RBFOX3: variants seen among roughly 807,000 people sequenced by gnomAD.
The protein encoded by RBFOX3 is RNA binding protein fox-1 homolog 3.
A neutral mutation model predicts 48.7 loss-of-function variants in RBFOX3; 17 were observed. The ratio of observed to expected loss-of-function variants is 0.35; its 90% CI spans 0.24 to 0.52. RBFOX3 has a LOEUF of 0.52. RBFOX3 is among the 20% of genes least tolerant of loss of function. The pLI, the probability that RBFOX3 is intolerant of heterozygous loss-of-function variation, is 0.94. For missense variants in RBFOX3, 382 were observed against 497.5 expected, an observed-to-expected ratio of 0.77 and a Z score of 2.21; for synonymous variants, 212 against 209.5, an observed-to-expected ratio of 1.01 and a Z score of -0.10.
intron 4 of RBFOX3, among the ~76,000 whole-genome samples, chr17:79,169,906 G>A (rs2048797034): frequency 6.6e-6 from 1 of 151,362 alleles, no homozygotes; most frequent in Non-Finnish European, 1.5e-5. Flanking sequence ...TAAAAGGAAA[G>A]GAAATGAAGA....
At chr17:79,387,042 G>T (rs1204339835) in intron 2 of RBFOX3, among the ~76,000 whole-genome samples, 5 of 152,190 alleles carry the variant, frequency 3.3e-5, no homozygotes, top group Non-Finnish European at 5.9e-5. Flanking sequence ...CCCATTCACA[G>T]GCCAGTACCT....
rs1374771450 is a variant in RBFOX3 at position 79,421,425 on chromosome 17, C to G, written c.-175+61029G>C. ...AGGCTGGGCCTGGCTGCCTGCCAAG[C>G]CTAGGGGCCTCTCCAGAGCCCACGG... On this transcript the variant is annotated intron_variant, in intron 2 of 14. Transcript: ENST00000693108. The surrounding 1 kb of genome is among the most constrained non-coding windows in gnomAD (Gnocchi z 4.5). 6.6e-6 allele frequency among the ~76,000 whole-genome samples: 1 copy of G among 152,172 alleles called. No individual in the cohort carries two copies. Among genetic ancestry groups the G allele is most frequent in the African/African-American group, 2.4e-5 (1 of 41,454 alleles).
intron 1 of RBFOX3, among the ~76,000 whole-genome samples, chr17:79,550,773 G>A (rs1272682255): frequency 3.3e-5 from 5 of 152,236 alleles, no homozygotes; most frequent in East Asian, 1.9e-4. Flanking sequence ...GGATGAATGC[G>A]TGGGTGGGTG....
chr17:79,437,316 C>T (rs553634580), intron 2 of RBFOX3, among the ~76,000 whole-genome samples: 7 of 152,286 alleles, frequency 4.6e-5, no homozygotes, highest in South Asian at 4.1e-4. Context: ...AAGCTCCAGC[C>T]GGGGAGGCCG....
chr17:79,439,754 G>A (rs782116769), intron 2 of RBFOX3, among the ~76,000 whole-genome samples: 12 of 152,322 alleles, frequency 7.9e-5, no homozygotes, highest in Non-Finnish European at 1.2e-4. Flanking sequence ...ACATGTGTGC[G>A]TAAGTGCAAG....
chr17:79,450,831 T>C (rs1344066514), intron 2 of RBFOX3, among the ~76,000 whole-genome samples: 5 of 152,250 alleles, frequency 3.3e-5, no homozygotes, highest in African/African-American at 9.6e-5. Context: ...TTTGCATGCA[T>C]AACAATGATA....
chr17:79,285,265 T>C (rs2071598911), intron 3 of RBFOX3, among the ~76,000 whole-genome samples: 1 of 152,220 alleles, frequency 6.6e-6, no homozygotes, highest in Admixed American at 6.5e-5. Context: ...GCCAGGTGGA[T>C]AGACAAGCTG....
the RBFOX3 span, among the ~76,000 whole-genome samples, chr17:79,659,922 C>A: frequency 1.3e-5 from 2 of 152,152 alleles, no homozygotes; most frequent in Admixed American, 6.5e-5. Context: ...TACAGTGGCT[C>A]AAGCCTATAA....
At chr17:79,155,614 C>A (rs189850870) in intron 4 of RBFOX3, among the ~76,000 whole-genome samples, 1 of 151,960 alleles carries the variant, frequency 6.6e-6, no homozygotes, top group South Asian at 2.1e-4. Context: ...AGGGTGAAGA[C>A]GAAGTGGGTG....
chr17:79,465,758 G>A (rs1226803885), intron 2 of RBFOX3, among the ~76,000 whole-genome samples: 1 of 152,328 alleles, frequency 6.6e-6, no homozygotes, highest in East Asian at 1.9e-4. Context: ...TCACTCGGCA[G>A]GTAGCCATGC....
the RBFOX3 span, among the ~76,000 whole-genome samples, chr17:79,665,413 T>TGGAGAGGAGCGGAGC: frequency 6.6e-6 from 1 of 151,864 alleles, no homozygotes. Flanking sequence ...AGGAGGGGCC[T>TGGAGAGGAGCGGAGC]GGAGAGGAGC....
chr17:79,156,961 T>A (rs544314321), intron 4 of RBFOX3, among the ~76,000 whole-genome samples: 109 of 152,236 alleles, frequency 7.2e-4, no homozygotes, highest in South Asian at 1.5e-3. Context: ...ATGAATTTCA[T>A]CCCTGGCAAG....
chr17:79,614,261 G>C (rs892909535), upstream of RBFOX3, among the ~76,000 whole-genome samples: 1 of 152,204 alleles, frequency 6.6e-6, no homozygotes, highest in Non-Finnish European at 1.5e-5. Flanking sequence ...CCTGGGGGCC[G>C]CCAGACACTG....
intron 1 of RBFOX3, among the ~76,000 whole-genome samples, chr17:79,508,552 C>A (rs948993263): frequency 3.3e-5 from 5 of 152,192 alleles, no homozygotes; most frequent in Admixed American, 3.3e-4. Flanking sequence ...CTGGCTCGGC[C>A]GAAGCTGACT....
chr17:79,286,474 G>A (rs2071906704), intron 3 of RBFOX3, among the ~76,000 whole-genome samples: 1 of 152,186 alleles, frequency 6.6e-6, no homozygotes. Context: ...AGCAAAGCCT[G>A]TTGAACAGAA....
At chr17:79,266,132 T>C (rs1041633939) in intron 3 of RBFOX3, among the ~76,000 whole-genome samples, 1 of 152,206 alleles carries the variant, frequency 6.6e-6, no homozygotes, top group Non-Finnish European at 1.5e-5. Context: ...TTCCTTTGAT[T>C]CCAATGGGAA....
chr17:79,159,001 G>A (rs1242446767), intron 4 of RBFOX3, among the ~76,000 whole-genome samples: 2 of 152,216 alleles, frequency 1.3e-5, no homozygotes, highest in East Asian at 3.8e-4. Context: ...CTTTCATACA[G>A]TGAAGGCGAG....
At chr17:79,285,476 C>T (rs899541672) in intron 3 of RBFOX3, among the ~76,000 whole-genome samples, 2 of 152,218 alleles carry the variant, frequency 1.3e-5, no homozygotes, top group East Asian at 1.9e-4. Flanking sequence ...AACACAGGCT[C>T]CACATACTGT....
chr17:79,503,064 TACAG>T (rs1182577455), intron 1 of RBFOX3, among the ~76,000 whole-genome samples: 10 of 152,320 alleles, frequency 6.6e-5, no homozygotes, highest in Middle Eastern at 3.4e-3. Flanking sequence ...TTTCCGTGCT[TACAG>T]ACAGATGCCT....
Sources: gnomAD v4.1 joint callset for allele counts (sites outside exome capture counted in the v4.1 genomes callset) on GRCh38, gnomAD v4.1.1 for gene constraint, Gnocchi (gnomAD v3.1) non-coding constraint, MANE v1.5 for transcripts, NCBI Gene and HGNC (gene_info 2026-07-23, HGNC 2026-07-21) for gene names.